The following SPATA13 variants were observed in gnomAD, a reference collection of about 807,000 sequenced individuals.
SPATA13 encodes the protein spermatogenesis associated 13.
In SPATA13, 50 loss-of-function variants were observed where a neutral mutation model predicts 104.0. The observed-to-expected ratio is 0.48, with a 90% CI of 0.38 to 0.61. The LOEUF is 0.61. Among genes scored for constraint, SPATA13 ranks in the 20% least tolerant of loss-of-function variants. The pLI, the probability that SPATA13 is intolerant of heterozygous loss-of-function variation, is 0.00. For synonymous variants in SPATA13, 606 were observed against 667.5 expected (o/e 0.91, Z 1.42); for missense variants, 1,524 against 1,690.6 (o/e 0.90, Z 1.73).
intron 2 of SPATA13, among the ~76,000 whole-genome samples, chr13:24,248,232 C>T (rs1336069083): frequency 1.3e-5 from 2 of 152,166 alleles, no homozygotes. Context: ...ACTCCATGGC[C>T]CAGCTTTTTC....
chr13:24,070,337 C>T (rs1432589492), intron 3 of SPATA13, among the ~76,000 whole-genome samples: 2 of 152,166 alleles, frequency 1.3e-5, no homozygotes, highest in African/African-American at 2.4e-5. Flanking sequence ...TTCTCCTTGC[C>T]TCCTCTGCCG....
intron 2 of SPATA13, among the ~76,000 whole-genome samples, chr13:24,239,693 TAAAAAAAAAAAAAAA>T (rs55881452): frequency 4.3e-5 from 2 of 46,942 alleles, no homozygotes; most frequent in Non-Finnish European, 7.6e-5. Flanking sequence ...AGACCATATC[TAAAAAAAAAAAAAAA>T]AAAAAAAAAA....
At chr13:24,030,939 T>C (rs1311203181) in intron 3 of SPATA13, among the ~76,000 whole-genome samples, 1 of 152,224 alleles carries the variant, frequency 6.6e-6, no homozygotes, top group African/African-American at 2.4e-5. Context: ...AATAATTTGC[T>C]TAAGTCCACA....
intron 3 of SPATA13, among the ~76,000 whole-genome samples, chr13:24,105,715 A>C (rs1447950974): frequency 6.6e-6 from 1 of 152,162 alleles, no homozygotes; most frequent in African/African-American, 2.4e-5. Context: ...TCATAGGTCA[A>C]AGCCCTAATC....
chr13:24,138,310 A>AC (rs1881639558), intron 3 of SPATA13, among the ~76,000 whole-genome samples: 1 of 66,292 alleles, frequency 1.5e-5, no homozygotes, highest in Non-Finnish European at 3.1e-5. Flanking sequence ...CGTCTGAAAA[A>AC]AAAAAAAAAA....
intron 2 of SPATA13, chr13:23,984,064 A>G (rs1437208019): frequency 3.8e-5 from 17 of 444,984 alleles, no homozygotes; most frequent in Non-Finnish European, 4.5e-5. Context: ...TGAGGCATTG[A>G]GCAACTAACA....
intron 11 of SPATA13, 116 bp downstream of exon 11, chr13:24,297,851 TG>T: frequency 7.8e-7 from 1 of 1,279,520 alleles, no homozygotes; most frequent in South Asian, 1.5e-5. Context: ...AATCCCACCA[TG>T]GGGAAAGGAC....
intron 2 of SPATA13, among the ~76,000 whole-genome samples, chr13:23,991,138 C>T (rs1184355375): frequency 6.6e-6 from 1 of 152,188 alleles, no homozygotes; most frequent in African/African-American, 2.4e-5. Flanking sequence ...GGCACACAAA[C>T]TTAAGGCAGA....
intron 3 of SPATA13, among the ~76,000 whole-genome samples, chr13:24,149,160 T>G (rs1882024619): frequency 6.6e-6 from 1 of 152,222 alleles, no homozygotes; most frequent in African/African-American, 2.4e-5. Flanking sequence ...GCCATCACAC[T>G]GGGTCGTTTT....
chr13:24,110,560 G>A (rs1291555374), intron 3 of SPATA13, among the ~76,000 whole-genome samples: 1 of 152,188 alleles, frequency 6.6e-6, no homozygotes, highest in Non-Finnish European at 1.5e-5. Flanking sequence ...TCCTAAGGCG[G>A]TGGAGAAGCA....
chr13:24,235,286 A>G (rs1023715570), intron 2 of SPATA13, among the ~76,000 whole-genome samples: 5 of 152,226 alleles, frequency 3.3e-5, no homozygotes, highest in African/African-American at 1.2e-4. Flanking sequence ...ACTATCAGCA[A>G]TCAACTCGGG....
intron 3 of SPATA13, among the ~76,000 whole-genome samples, chr13:24,044,037 C>T (rs1373795241): frequency 1.3e-4 from 20 of 151,984 alleles, no homozygotes; most frequent in Admixed American, 6.5e-4. Context: ...GAGCAGGAGG[C>T]GGTCAGGGAA....
At chr13:24,029,884 T>C (rs968827494) in intron 3 of SPATA13, among the ~76,000 whole-genome samples, 4 of 152,136 alleles carry the variant, frequency 2.6e-5, no homozygotes, top group African/African-American at 9.7e-5. Flanking sequence ...TATTTGGTTA[T>C]CTCTTCCTAA....
In SPATA13 at chr13:23,989,289, G is replaced by A. The variant is rs116998642; in HGVS notation, c.-147+5356G>A. ...ATACAAAAAGTAGCCAGGAGTAGTA[G>A]CATGCGCCTGTAGTCCCAGCTACTC... On this transcript the variant is annotated intron_variant, in intron 2 of 14. Coordinates refer to the SPATA13 transcript ENST00000424834. Among the ~76,000 whole-genome samples, 964 of 152,072 alleles carry A rather than the reference G, an allele frequency of 6.3e-3. 37 individuals are homozygous for A. In the East Asian group the frequency reaches 0.1, roughly 16 times the overall value.
At position 24,270,081 on chromosome 13, in the gene SPATA13, A is replaced by G. The variant is rs867094795; in HGVS notation, c.2165-14054A>G. On this transcript the variant is annotated intron_variant, in intron 4 of 12. Coordinates refer to ENST00000382108, the MANE Select transcript of SPATA13 (RefSeq NM_001166271.3). ...CACTACTTTGCGTATATATTACCTC[A>G]TTGTTCATAAAGTTAAAAAGGCCGT... Among the ~76,000 whole-genome samples, 3 of 152,156 alleles carry G rather than the reference A, an allele frequency of 2.0e-5. 1 individual carries two copies. Among genetic ancestry groups the G allele is most frequent in the Middle Eastern group, 3.4e-3 (1 of 294 alleles).
At chr13:24,254,128 C>T (rs1566175084) in intron 4 of SPATA13, among the ~76,000 whole-genome samples, 1 of 152,198 alleles carries the variant, frequency 6.6e-6, no homozygotes, top group Non-Finnish European at 1.5e-5. Context: ...CCCCATTTTC[C>T]GTGGGTGCTC....
Position 24,249,708 on chromosome 13 carries a change from G to A in SPATA13, c.1885G>A (p.Ala629Thr). The part of the protein sequence containing the change: ...DEDPQASMTS[A>T]SPEDQNAPVG... ...GGACCCCCAGGCAAGCATGACTTCT[G>A]CCAGCCCTGAAGACCAGAATGCTCC... The change falls in exon 3 of 13, where the codon GCC becomes ACC. Residue 629 changes from alanine to threonine, a missense_variant. Physicochemically the swap from Ala to Thr is moderately conservative, Grantham distance 58. Coordinates refer to ENST00000382108, the MANE Select transcript of SPATA13 (RefSeq NM_001166271.3). The A allele has an allele frequency of 1.2e-6, 2 of 1,614,228 alleles. No homozygotes were observed. Among genetic ancestry groups the A allele is most frequent in the Non-Finnish European group, 1.7e-6 (2 of 1,180,042 alleles).
At chr13:24,114,365 C>CTGCATGTGTGCACATGCGCGTGTGCT (rs1566108211) in intron 3 of SPATA13, among the ~76,000 whole-genome samples, 1 of 152,226 alleles carries the variant, frequency 6.6e-6, no homozygotes, top group Non-Finnish European at 1.5e-5. Context: ...ACGTGTGTGC[C>CTGCATGTGTGCACATGCGCGTGTGCT]TGCATGTGTG....
intron 2 of SPATA13, among the ~76,000 whole-genome samples, chr13:24,245,617 G>A (rs956686511): frequency 5.1e-5 from 5 of 98,962 alleles, no homozygotes; most frequent in African/African-American, 2.0e-4. Flanking sequence ...TTAGACAACA[G>A]GTCTTGCTTT....
Sources: allele counts gnomAD v4.1 joint callset (sites outside exome capture counted in the v4.1 genomes callset), GRCh38; gene constraint gnomAD v4.1.1; transcripts MANE v1.5; gene names NCBI Gene and HGNC (gene_info 2026-07-23, HGNC 2026-07-21).